PRDM4: variants seen among roughly 807,000 people sequenced by gnomAD.
PRDM4 encodes the protein PR domain zinc finger protein 4.
PRDM4 carries 38 observed loss-of-function variants against 62.3 expected under a neutral mutation model. The observed-to-expected ratio is 0.61, with a 90% confidence interval of 0.47 to 0.80. PRDM4 has a LOEUF of 0.80. Among genes scored for constraint, PRDM4 ranks in the 30% least tolerant of loss-of-function variants. The pLI, the probability that PRDM4 is intolerant of heterozygous loss-of-function variation, is 0.00. For missense variants in PRDM4, 858 were observed against 997.1 expected (o/e 0.86, Z 1.88); for synonymous variants, 339 against 348.2 (o/e 0.97, Z 0.30).
intron 5 of PRDM4, among the ~76,000 whole-genome samples, chr12:107,750,283 C>T (rs1890847579): frequency 6.6e-6 from 1 of 152,182 alleles, no homozygotes; most frequent in Non-Finnish European, 1.5e-5. Context: ...TGATGGCTCA[C>T]ACCTGTAATC....
chr12:107,741,948 C>T lies in PRDM4; in HGVS notation c.1609+273G>A, dbSNP rs145486994. On this transcript the variant is annotated intron_variant, in intron 9 of 11. Coordinates refer to ENST00000228437, the MANE Select transcript of PRDM4 (RefSeq NM_012406.4). ...TTCATGAATTTATATCTCAATGGTGCTAGCTCGAAAAGTAGCCTAAGGAAC... is the reference window on the plus strand; with the variant it reads ...TTCATGAATTTATATCTCAATGGTGTTAGCTCGAAAAGTAGCCTAAGGAAC... 7.9e-5 allele frequency among the ~76,000 whole-genome samples: 12 copies of T among 152,274 alleles called. No individual in the cohort carries two copies. The East Asian group carries it at 2.1e-3, about 27-fold the overall frequency.
At chr12:107,759,706 T>C (rs1000936804) in intron 2 of PRDM4, 7 of 152,220 alleles carry the variant, frequency 4.6e-5, no homozygotes, top group Non-Finnish European at 8.8e-5. Context: ...GAATGTACAA[T>C]ATGATCCTCA....
chr12:107,734,342 ACT>A lies in PRDM4; in HGVS notation c.2272_2273del (p.Ser758PhefsTer11), dbSNP rs762609067. On this transcript the variant is annotated frameshift_variant, in exon 12 of 12. Transcript: ENST00000228437. LOFTEE classifies it high-confidence loss of function. ...CTTCTTCCTCCTCTGGTGCTGACGA[ACT>A]GGAGGTGGGCCCTTTGCAGGTTTTC... ...HLKTCKGPTSSSSAPEEEEED... is the reference protein window; with the variant it reads ...HLKTCKGPTSXSSAPEEEEED... The A allele has an allele frequency of 6.2e-7, 1 of 1,614,206 alleles. No individual in the cohort carries two copies. Among genetic ancestry groups the A allele is most frequent in the Non-Finnish European group, 8.5e-7 (1 of 1,180,020 alleles).
chr12:107,751,344 C>A, intron 5 of PRDM4, 71 bp downstream of exon 5: 3 of 1,455,562 alleles, frequency 2.1e-6, no homozygotes, highest in South Asian at 2.6e-5. Context: ...CCAAACTTTA[C>A]GACTTAACTT....
chr12:107,744,770 A>C, intron 6 of PRDM4, 109 bp from the exon 7 acceptor site: 2 of 1,454,036 alleles, frequency 1.4e-6, no homozygotes, highest in African/African-American at 1.4e-5. Context: ...GAATTTAACC[A>C]ATATGTAGGC....
intron 6 of PRDM4, 43 bp downstream of exon 6, chr12:107,746,228 AAAGG>A (rs1396124229): frequency 6.3e-6 from 10 of 1,597,540 alleles, no homozygotes; most frequent in Non-Finnish European, 8.5e-6. Flanking sequence ...TCTACGCTAC[AAAGG>A]AAGAAGAGAT....
In PRDM4 at chr12:107,761,090, CG is replaced by C. The variant is rs1891237177; in HGVS notation, c.-391del. On this transcript the variant is annotated 5_prime_UTR_variant, in exon 1 of 12. Coordinates refer to ENST00000228437, the MANE Select transcript of PRDM4 (RefSeq NM_012406.4). ...GCCGCTGCCCTAACGTTTCCCGTCC[CG>C]CCCGGCCCTTCCCGGCCCGCGGCCT... is the stretch of plus-strand genomic sequence containing the variant. 6.6e-6 allele frequency: 1 copy of C among 151,594 alleles called. No homozygotes were observed. The highest frequency in any genetic ancestry group is 1.5e-5 in the Non-Finnish European group (1 of 67,948). 9.4% of individuals were successfully genotyped at this position (151,594 alleles called of 1,614,324 possible). A position where few individuals can be genotyped will look rare whatever the true frequency, so the allele number is the denominator to read the frequency against.
chr12:107,747,800 T>C (rs1312832987), intron 5 of PRDM4, among the ~76,000 whole-genome samples: 12 of 152,156 alleles, frequency 7.9e-5, no homozygotes, highest in Non-Finnish European at 7.4e-5. Flanking sequence ...TATCTGTCTT[T>C]TCTTTTTTTT....
At position 107,741,060 on chromosome 12, in the gene PRDM4, TG is replaced by T; in HGVS notation, c.1809del (p.Lys604AsnfsTer12). Reference protein sequence around the residue: ...SMCPQAFISPSKLHVHFMGHM... With the variant: ...SMCPQAFISPXKLHVHFMGHM... The stretch of plus-strand genomic sequence containing the variant: ...TGACCCATAAAGTGGACATGAAGTT[TG>T]GAAGGAGAGATAAAAGCTTGGGGGC... On this transcript the variant is annotated frameshift_variant, in exon 10 of 12. Transcript: ENST00000228437. LOFTEE classifies it high-confidence loss of function. 1.9e-6 allele frequency: 3 copies of T among 1,614,186 alleles called. No individual in the cohort carries two copies. Among genetic ancestry groups the T allele is most frequent in the Non-Finnish European group, 2.5e-6 (3 of 1,180,034 alleles).
Position 107,734,388 on chromosome 12 carries a change from T to C in PRDM4, c.2228A>G (p.Tyr743Cys). ...GGTTTTCAGGTGGCGGGTGAGATGGTATTTGGTTAGATAAGCCTTTGTACA... is the reference window on the plus strand; with the variant it reads ...GGTTTTCAGGTGGCGGGTGAGATGGCATTTGGTTAGATAAGCCTTTGTACA... The part of the protein sequence containing the change: ...EKCTKAYLTK[Y>C]HLTRHLKTCK... The change falls in exon 12 of 12, where the codon TAC becomes TGC. Residue 743 changes from tyrosine (Y) to cysteine (C), a missense_variant. Coordinates refer to ENST00000228437, the MANE Select transcript of PRDM4 (RefSeq NM_012406.4). The C allele has an allele frequency of 6.2e-7, 1 of 1,614,154 alleles. No homozygotes were observed. The highest frequency in any genetic ancestry group is 8.5e-7 in the Non-Finnish European group (1 of 1,180,020).
chr12:107,743,082 T>A (rs184228298), intron 8 of PRDM4, 115 bp downstream of exon 8: 3 of 823,316 alleles, frequency 3.6e-6, no homozygotes, highest in Non-Finnish European at 5.8e-6. Context: ...GGGCTTTAAG[T>A]ATGTCCAGGT....
chr12:107,741,851 C>T (rs113574371), intron 9 of PRDM4, among the ~76,000 whole-genome samples: 2 of 152,292 alleles, frequency 1.3e-5, no homozygotes, highest in African/African-American at 4.8e-5. Context: ...TAAACATTAG[C>T]TGTCATCATG....
intron 2 of PRDM4, chr12:107,758,398 T>A (rs1891129967): frequency 6.6e-6 from 1 of 152,070 alleles, no homozygotes; most frequent in Non-Finnish European, 1.5e-5. Context: ...CACAGGCAAG[T>A]GCCACCATGC....
rs1890702329 is a variant in PRDM4 at position 107,746,269 on chromosome 12, T to G, written c.1276+6A>C. ...TAATAGTGTTTTACAGTTCCAAGGTTCTTACCAACTTCTGCTCCCACAATT... is the reference window on the plus strand; with the variant it reads ...TAATAGTGTTTTACAGTTCCAAGGTGCTTACCAACTTCTGCTCCCACAATT... On this transcript the variant is annotated splice_donor_region_variant and intron_variant, in intron 6 of 11. Coordinates refer to ENST00000228437, the MANE Select transcript of PRDM4 (RefSeq NM_012406.4). The G allele has an allele frequency of 1.2e-6, 2 of 1,613,674 alleles. No homozygotes were observed. Among genetic ancestry groups the G allele is most frequent in the Admixed American group, 1.7e-5 (1 of 59,942 alleles).
intron 9 of PRDM4, among the ~76,000 whole-genome samples, chr12:107,741,865 C>T (rs796885744): frequency 2.4e-4 from 37 of 152,164 alleles, no homozygotes; most frequent in African/African-American, 8.2e-4. Flanking sequence ...CATCATGAAA[C>T]AGCACAGCAA....
chr12:107,760,571 C>G lies in PRDM4; in HGVS notation c.-56G>C. 6.2e-7 allele frequency: 1 copy of G among 1,606,892 alleles called. No individual in the cohort carries two copies. Among genetic ancestry groups the G allele is most frequent in the Non-Finnish European group, 8.5e-7 (1 of 1,176,088 alleles). ...CGCTCGGGTGGTGGGGAACAGGCAT[C>G]AGGGTTTGCGTTCCAGGGTCACGTG... On this transcript the variant is annotated 5_prime_UTR_variant, in exon 2 of 12. Coordinates refer to ENST00000228437, the MANE Select transcript of PRDM4 (RefSeq NM_012406.4).
Position 107,760,587 on chromosome 12 carries a change from G to A in PRDM4, c.-72C>T, listed in dbSNP as rs376829061. 35 of 1,580,222 alleles carry A rather than the reference G, an allele frequency of 2.2e-5. No homozygotes were observed. The African/African-American group carries it at 4.1e-4, about 18-fold the overall frequency. ...AACAGGCATCAGGGTTTGCGTTCCA[G>A]GGTCACGTGCTACCACATCTTGCTC... On this transcript the variant is annotated 5_prime_UTR_variant, in exon 2 of 12. Coordinates refer to ENST00000228437, the MANE Select transcript of PRDM4 (RefSeq NM_012406.4).
Position 107,742,310 on chromosome 12 carries a change from T to G in PRDM4, c.1520A>C (p.Asp507Ala), listed in dbSNP as rs1459235498. The G allele has an allele frequency of 8.1e-6, 13 of 1,613,570 alleles. No individual in the cohort carries two copies. The South Asian group carries it at 1.4e-4, about 18-fold the overall frequency. ...EEQNLVAYPH[D>A]GKIFFCTSQD... ...TGAGGTGCAGAAAAAGATTTTTCCA[T>G]CATGAGGATAAGCCACCAAATTCTG... Residue 507 changes from aspartate (D) to alanine (A), a missense_variant, in exon 9 of 12, where the codon GAT becomes GCT. By Grantham distance (126) the Asp-to-Ala change is moderately radical. Coordinates refer to ENST00000228437, the MANE Select transcript of PRDM4 (RefSeq NM_012406.4).
chr12:107,749,040 G>A (rs1330954742), intron 5 of PRDM4, among the ~76,000 whole-genome samples: 2 of 152,082 alleles, frequency 1.3e-5, no homozygotes, highest in African/African-American at 2.4e-5. Context: ...GCACAGAATG[G>A]TTCTGGGCTT....
Sources: gnomAD v4.1 joint callset for allele counts (sites outside exome capture counted in the v4.1 genomes callset) on GRCh38, gnomAD v4.1.1 for gene constraint, MANE v1.5 for transcripts, NCBI Gene and HGNC (gene_info 2026-07-23, HGNC 2026-07-21) for gene names.